SDK1: variants seen among roughly 807,000 people sequenced by gnomAD.
SDK1 encodes the protein sidekick cell adhesion molecule 1.
SDK1 carries 157 observed loss-of-function variants against 245.5 expected under a neutral mutation model. The ratio of observed to expected loss-of-function variants is 0.64; its 90% CI spans 0.56 to 0.73. SDK1 has a LOEUF of 0.73. Among genes scored for constraint, SDK1 ranks in the 30% least tolerant of loss-of-function variants. The probability of loss-of-function intolerance (pLI) is 0.00; values close to 1 mark genes in which losing one functional copy is unlikely to be tolerated. For missense variants in SDK1, 3,583 were observed against 3,002.3 expected (o/e 1.19, Z -4.52); for synonymous variants, 1,647 against 1,278.5 (o/e 1.29, Z -6.15).
rs763751467 is a variant in SDK1 at position 4,266,262 on chromosome 7, C to A, written c.*878C>A. On this transcript the variant is annotated 3_prime_UTR_variant, in exon 45 of 45. Transcript: ENST00000404826. ...TTGTTAACCAGAGTATTTTTAAAAT[C>A]TTTTTATCTTTTTTTAAACTATGTC... 2.4e-5 allele frequency: 24 copies of A among 985,236 alleles called. No homozygotes were observed. The highest frequency in any genetic ancestry group is 3.5e-5 in the African/African-American group (2 of 57,244). 61.0% of individuals were successfully genotyped at this position (985,236 alleles called of 1,614,324 possible). A position where few individuals can be genotyped will look rare whatever the true frequency, so the allele number is the denominator to read the frequency against.
chr7:4,200,632 C>A lies in SDK1; in HGVS notation c.5099-5247C>A, dbSNP rs115061485. ...AGTTCCTTGCCATGAAGGGCCTCTC[C>A]ATGGGGCCTCTCACAACATGGCAGC... On this transcript the variant is annotated intron_variant, in intron 35 of 44. Coordinates refer to ENST00000404826, the MANE Select transcript of SDK1 (RefSeq NM_152744.4). Among the ~76,000 whole-genome samples the A allele has an allele frequency of 6.5e-3, 987 of 152,334 alleles. 9 individuals carry two copies. The highest frequency in any genetic ancestry group is 0.022 in the African/African-American group (929 of 41,576).
intron 20 of SDK1, among the ~76,000 whole-genome samples, chr7:4,073,298 C>G (rs1022710263): frequency 2.0e-5 from 3 of 152,248 alleles, no homozygotes; most frequent in African/African-American, 7.2e-5. Flanking sequence ...ACGCCCACCA[C>G]TCTGTCTGTG....
intron 5 of SDK1, among the ~76,000 whole-genome samples, chr7:3,930,348 T>C (rs555870086): frequency 1.3e-5 from 2 of 152,252 alleles, no homozygotes; most frequent in East Asian, 3.9e-4. Context: ...GGAGTGGAAA[T>C]GCAGGGTCTT....
intron 4 of SDK1, among the ~76,000 whole-genome samples, chr7:3,697,700 C>G (rs1784614538): frequency 1.3e-5 from 2 of 152,128 alleles, no homozygotes; most frequent in African/African-American, 4.8e-5. Flanking sequence ...TTACTCATTT[C>G]CTCTCCCCAC....
chr7:4,221,437 T>G (rs1040449619), intron 40 of SDK1, 73 bp downstream of exon 40: 25 of 1,484,568 alleles, frequency 1.7e-5, no homozygotes, highest in Middle Eastern at 4.4e-4. Context: ...TGTCGGGGGC[T>G]TCCATCACTT....
chr7:3,348,839 A>G (rs964603389), intron 1 of SDK1, among the ~76,000 whole-genome samples: 30 of 152,308 alleles, frequency 2.0e-4, no homozygotes, highest in African/African-American at 7.2e-4. Context: ...TGAATAGAGG[A>G]TGACTTTTGC....
In SDK1 at chr7:3,706,109, A is replaced by G. The variant is rs2115013143; in HGVS notation, c.713+64004A>G. ...TGTTAAACCTCCCTGCATTTCTGGA[A>G]TGAAACCCACTTGAGCATGGTTATT... On this transcript the variant is annotated intron_variant, in intron 4 of 44. Transcript: ENST00000404826. Among the ~76,000 whole-genome samples, 5 of 152,302 alleles carry G rather than the reference A, an allele frequency of 3.3e-5. 1 individual carries two copies. Among genetic ancestry groups the G allele is most frequent in the Admixed American group, 3.3e-4 (5 of 15,298 alleles).
At chr7:3,967,202 A>G (rs1337196636) in intron 9 of SDK1, 116 bp from the exon 10 acceptor site, 2 of 773,532 alleles carry the variant, frequency 2.6e-6, no homozygotes, top group Non-Finnish European at 4.5e-6. Context: ...TTCCTTTTGT[A>G]TTGCTACAGT....
chr7:3,391,210 T>A (rs1781740357), intron 1 of SDK1, among the ~76,000 whole-genome samples: 2 of 152,170 alleles, frequency 1.3e-5, no homozygotes, highest in African/African-American at 2.4e-5. Flanking sequence ...TTTGTTTGTT[T>A]TCTTGTAATA....
At chr7:3,380,263 C>G (rs1379772723) in intron 1 of SDK1, among the ~76,000 whole-genome samples, 3 of 152,130 alleles carry the variant, frequency 2.0e-5, no homozygotes, top group Non-Finnish European at 4.4e-5. Context: ...TGGAAATGGC[C>G]TGTGATTGGT....
At chr7:3,441,694 G>A (rs1173362380) in intron 1 of SDK1, among the ~76,000 whole-genome samples, 1 of 152,128 alleles carries the variant, frequency 6.6e-6, no homozygotes, top group Non-Finnish European at 1.5e-5. Flanking sequence ...TCTACCAAAA[G>A]ATATCCTGAG....
chr7:3,823,417 C>T (rs778143018), intron 5 of SDK1, among the ~76,000 whole-genome samples: 1 of 152,084 alleles, frequency 6.6e-6, no homozygotes, highest in Non-Finnish European at 1.5e-5. Context: ...AGAATTATTC[C>T]ACTGAAACTG....
At chr7:4,133,407 C>A (rs780731548) in intron 28 of SDK1, among the ~76,000 whole-genome samples, 12 of 152,304 alleles carry the variant, frequency 7.9e-5, no homozygotes, top group Admixed American at 1.3e-4. Flanking sequence ...GTGTGCCTGT[C>A]CTCAAGTTGC....
At chr7:3,951,409 C>T (rs966255318) in intron 6 of SDK1, among the ~76,000 whole-genome samples, 11 of 152,306 alleles carry the variant, frequency 7.2e-5, no homozygotes, top group Non-Finnish European at 1.3e-4. Context: ...CGGATGATCC[C>T]GCCTTCCATG....
At position 4,010,947 on chromosome 7, in the gene SDK1, G is replaced by A. The variant is rs375618138; in HGVS notation, c.2132-19G>A. On this transcript the variant is annotated intron_variant, in intron 14 of 44. Transcript: ENST00000404826. ...ATGATAAGCCTGTGGGCTTGAATTC[G>A]TTTTCTTCATTCTTTCAGACTCTCC... 2.5e-4 allele frequency: 401 copies of A among 1,613,676 alleles called. No homozygotes were observed. The African/African-American group carries it at 4.4e-3, about 18-fold the overall frequency.
chr7:4,201,149 C>G (rs1039690039), intron 35 of SDK1, among the ~76,000 whole-genome samples: 2 of 152,202 alleles, frequency 1.3e-5, no homozygotes, highest in African/African-American at 4.8e-5. Context: ...CTGCTGCTGG[C>G]TTTCTTGCAC....
chr7:3,433,780 G>C (rs938450909), intron 1 of SDK1, among the ~76,000 whole-genome samples: 1 of 151,564 alleles, frequency 6.6e-6, no homozygotes, highest in Non-Finnish European at 1.5e-5. Context: ...GTAAATTTGA[G>C]ACGTTCTCAT....
intron 10 of SDK1, among the ~76,000 whole-genome samples, chr7:3,968,859 G>A (rs2128132062): frequency 6.6e-6 from 1 of 152,264 alleles, no homozygotes; most frequent in East Asian, 1.9e-4. Flanking sequence ...ACATACCTGA[G>A]ACTGGGCAAT....
At chr7:3,682,031 CT>C (rs1180926029) in intron 4 of SDK1, among the ~76,000 whole-genome samples, 2 of 152,176 alleles carry the variant, frequency 1.3e-5, no homozygotes, top group Non-Finnish European at 2.9e-5. Context: ...AGAACAGACT[CT>C]AAACAGCCTT....
Sources: gnomAD v4.1 joint callset for allele counts (sites outside exome capture counted in the v4.1 genomes callset) on GRCh38, gnomAD v4.1.1 for gene constraint, MANE v1.5 for transcripts, NCBI Gene and HGNC (gene_info 2026-07-23, HGNC 2026-07-21) for gene names.